The following ATP8A1 variants were observed in gnomAD, a reference collection of about 807,000 sequenced individuals.
The protein encoded by ATP8A1 is ATPase phospholipid transporting 8A1.
In ATP8A1, 90 loss-of-function variants were observed where a neutral mutation model predicts 177.7. The observed-to-expected ratio is 0.51, with a 90% CI of 0.43 to 0.60. The LOEUF (loss-of-function observed/expected upper bound fraction) is 0.60, where lower values mean the gene tolerates loss of function less well. ATP8A1 is among the 20% of genes least tolerant of loss of function. ATP8A1 has a pLI of 0.00. For synonymous variants in ATP8A1, 493 were observed against 485.9 expected, an observed-to-expected ratio of 1.01 and a Z score of -0.19; for missense variants, 1,072 against 1,392.8, an observed-to-expected ratio of 0.77 and a Z score of 3.67.
chr4:42,555,992 C>CA lies in ATP8A1; in HGVS notation c.1388dup (p.Leu463PhefsTer8). On this transcript the variant is annotated frameshift_variant, in exon 16 of 37. Transcript: ENST00000381668. LOFTEE classifies it high-confidence loss of function. ...CATGATTATTTTGGAGATTTTCCAG[C>CA]AATGATGAATCACTAAATGTTTTTT... 6.2e-7 allele frequency: 1 copy of CA among 1,611,290 alleles called. No individual in the cohort carries two copies. The highest frequency in any genetic ancestry group is 1.1e-5 in the South Asian group (1 of 90,588).
At chr4:42,450,864 A>T (rs537240536) in intron 30 of ATP8A1, among the ~76,000 whole-genome samples, 1 of 152,340 alleles carries the variant, frequency 6.6e-6, no homozygotes, top group South Asian at 2.1e-4. Context: ...CATACAAAAG[A>T]AACAAACATA....
intron 35 of ATP8A1, among the ~76,000 whole-genome samples, chr4:42,421,112 A>C (rs538367233): frequency 1.3e-5 from 2 of 152,254 alleles, no homozygotes; most frequent in Admixed American, 6.5e-5. Flanking sequence ...AAGAGAACTG[A>C]CATAATTAAT....
chr4:42,423,702 C>T lies in ATP8A1; in HGVS notation c.3127G>A (p.Ala1043Thr). The change falls in exon 34 of 37, where the codon GCC (alanine) becomes ACC (threonine). Residue 1043 changes from alanine to threonine, a missense_variant. This residue lies in a region of ATP8A1 where 316 missense variants were observed against 459.1 expected (regional missense o/e 0.69). Coordinates refer to ENST00000381668, the MANE Select transcript of ATP8A1 (RefSeq NM_006095.2). ...PMAPDMSGEA[A>T]MLFSSGVFWM... ...AAGACTCCAGAACTGAACAACATGGCTGCCTGTGTAAATCGTCAGAAAAAA... is the reference window on the plus strand; with the variant it reads ...AAGACTCCAGAACTGAACAACATGGTTGCCTGTGTAAATCGTCAGAAAAAA... The T allele has an allele frequency of 6.2e-7, 1 of 1,609,992 alleles. No individual in the cohort carries two copies. The highest frequency in any genetic ancestry group is 8.5e-7 in the Non-Finnish European group (1 of 1,177,946).
chr4:42,574,528 T>C (rs571314470), intron 14 of ATP8A1, 91 bp downstream of exon 14: 6 of 1,008,802 alleles, frequency 5.9e-6, no homozygotes, highest in African/African-American at 1.7e-5. Context: ...AACAACCCCA[T>C]ACCCTCCCCT....
intron 25 of ATP8A1, among the ~76,000 whole-genome samples, chr4:42,480,010 G>GTGTGTGTGTA (rs1721505339): frequency 1.3e-5 from 2 of 150,330 alleles, no homozygotes; most frequent in African/African-American, 4.9e-5. Flanking sequence ...GTGTGTGTGT[G>GTGTGTGTGTA]TGTGTGTGTG....
chr4:42,592,357 T>C (rs750096017), intron 6 of ATP8A1, among the ~76,000 whole-genome samples: 96 of 152,244 alleles, frequency 6.3e-4, no homozygotes, highest in Non-Finnish European at 4.9e-4. Flanking sequence ...GAAATACAAG[T>C]AGCTTGCTGG....
At chr4:42,581,334 C>T (rs147475958) in intron 10 of ATP8A1, among the ~76,000 whole-genome samples, 2,455 of 152,230 alleles carry the variant, frequency 0.016, 67 homozygotes, top group African/African-American at 0.05. Context: ...GGGCTTTCAC[C>T]GTGTTAGCCA....
At chr4:42,557,284 T>C (rs778875127) in intron 15 of ATP8A1, among the ~76,000 whole-genome samples, 2 of 152,140 alleles carry the variant, frequency 1.3e-5, no homozygotes, top group Non-Finnish European at 2.9e-5. Flanking sequence ...ATTTTGAAGA[T>C]GGAAGGAAAA....
intron 5 of ATP8A1, among the ~76,000 whole-genome samples, chr4:42,611,749 C>T (rs1225803478): frequency 6.6e-6 from 1 of 152,172 alleles, no homozygotes; most frequent in Non-Finnish European, 1.5e-5. Context: ...AGCTCAATCA[C>T]CACAATAAAT....
At chr4:42,635,665 A>AAT (rs1180296377) in intron 1 of ATP8A1, among the ~76,000 whole-genome samples, 6 of 150,820 alleles carry the variant, frequency 4.0e-5, no homozygotes, top group Admixed American at 2.0e-4. Context: ...GAAAGTCCTG[A>AAT]ATATATATAT....
intron 27 of ATP8A1, among the ~76,000 whole-genome samples, chr4:42,463,627 C>G (rs1012387981): frequency 1.3e-4 from 20 of 152,166 alleles, no homozygotes; most frequent in African/African-American, 4.8e-4. Flanking sequence ...TGTCTGGGCT[C>G]AGTAGGTGCT....
chr4:42,653,740 C>A (rs1577795306), intron 1 of ATP8A1, among the ~76,000 whole-genome samples: 1 of 152,320 alleles, frequency 6.6e-6, no homozygotes, highest in Non-Finnish European at 1.5e-5. Flanking sequence ...CTCTAAGAAC[C>A]TGTTCAAATA....
rs1240426477 is a variant in ATP8A1 at position 42,507,800 on chromosome 4, A to ACAAAAC, written c.1948-647_1948-646insGTTTTG. On this transcript the variant is annotated intron_variant, in intron 22 of 36. Coordinates refer to ENST00000381668, the MANE Select transcript of ATP8A1 (RefSeq NM_006095.2). ...CATTCTAAAAAAAAAAAAAAAAAAA[A>ACAAAAC]AAAAAAAAACATACAAACAGCTATG... Among the ~76,000 whole-genome samples, 35 of 146,092 alleles carry ACAAAAC rather than the reference A, an allele frequency of 2.4e-4. No homozygotes were observed. In the East Asian group the frequency reaches 6.0e-3, roughly 25 times the overall value.
intron 9 of ATP8A1, among the ~76,000 whole-genome samples, chr4:42,585,883 A>G (rs1258127901): frequency 1.3e-5 from 2 of 152,144 alleles, no homozygotes; most frequent in African/African-American, 4.8e-5. Flanking sequence ...AGAACATTTG[A>G]AATTTCATGG....
intron 33 of ATP8A1, among the ~76,000 whole-genome samples, chr4:42,437,710 C>G (rs150437100): frequency 1.3e-5 from 2 of 151,976 alleles, no homozygotes; most frequent in Non-Finnish European, 2.9e-5. Flanking sequence ...GTAGAGATGT[C>G]GAATTACTGT....
intron 25 of ATP8A1, among the ~76,000 whole-genome samples, chr4:42,467,296 C>T (rs958202313): frequency 6.6e-6 from 1 of 152,090 alleles, no homozygotes; most frequent in East Asian, 1.9e-4. Context: ...CCCTTAGCAA[C>T]AATGCCCATT....
intron 33 of ATP8A1, among the ~76,000 whole-genome samples, chr4:42,426,841 G>A (rs569317138): frequency 6.6e-6 from 1 of 152,242 alleles, no homozygotes; most frequent in South Asian, 2.1e-4. Flanking sequence ...TGAAACATAG[G>A]CCAAAGTAAG....
At chr4:42,529,329 T>G (rs925650680) in intron 20 of ATP8A1, among the ~76,000 whole-genome samples, 1 of 152,074 alleles carries the variant, frequency 6.6e-6, no homozygotes, top group Non-Finnish European at 1.5e-5. Context: ...TACTCTCCTT[T>G]TGAGAGACAG....
In ATP8A1 at chr4:42,576,475, CAAAAAAAAAAA is replaced by C. The variant is rs1159794343; in HGVS notation, c.1129-787_1129-777del. ...TGGGCGACAGAGCAAGACGCCGTCT[CAAAAAAAAAAA>C]AAAAAAAAAAAAAAAAAAAAGAGCA... On this transcript the variant is annotated intron_variant, in intron 12 of 36. Coordinates refer to ENST00000381668, the MANE Select transcript of ATP8A1 (RefSeq NM_006095.2). 4.2e-3 allele frequency among the ~76,000 whole-genome samples: 137 copies of C among 32,408 alleles called. 1 individual carries two copies. The highest frequency in any genetic ancestry group is 0.026 in the South Asian group (13 of 506). The allele number at this position is 32,408 out of a possible 152,430, so 21.3% of individuals were successfully genotyped here.
Sources: gnomAD v4.1 joint callset for allele counts (sites outside exome capture counted in the v4.1 genomes callset) on GRCh38, gnomAD v4.1.1 for gene constraint, gnomAD v4.1.1 regional missense constraint, MANE v1.5 for transcripts, NCBI Gene and HGNC (gene_info 2026-07-23, HGNC 2026-07-21) for gene names.